LRRC4C: variants seen among roughly 807,000 people sequenced by gnomAD.
The protein encoded by LRRC4C is leucine rich repeat containing 4C, also known as leucine-rich repeat-containing protein 4C.
Under a neutral mutation model 33.6 loss-of-function variants are expected in LRRC4C, and 5 were observed. The observed-to-expected ratio is 0.15, with a 90% CI of 0.08 to 0.31. The LOEUF (loss-of-function observed/expected upper bound fraction) is 0.31. Ranked by LOEUF, LRRC4C falls within the 10% of genes least tolerant of loss-of-function variation. The pLI, the probability that LRRC4C is intolerant of heterozygous loss-of-function variation, is 1.00. For missense variants in LRRC4C, 560 were observed against 796.7 expected (o/e 0.70, Z 3.58); for synonymous variants, 329 against 302.0 (o/e 1.09, Z -0.93).
intron 3 of LRRC4C, among the ~76,000 whole-genome samples, chr11:40,469,604 C>T (rs59489101): frequency 0.024 from 3,708 of 152,274 alleles, 157 homozygotes; most frequent in African/African-American, 0.084. Context: ...CCCACCCCCA[C>T]GGAGCCCAGC....
intron 2 of LRRC4C, among the ~76,000 whole-genome samples, chr11:40,908,214 T>C (rs1053155371): frequency 2.0e-5 from 3 of 152,136 alleles, no homozygotes; most frequent in Non-Finnish European, 4.4e-5. Flanking sequence ...GAAGCCAGTT[T>C]CACTTCTATT....
intron 3 of LRRC4C, among the ~76,000 whole-genome samples, chr11:40,536,692 G>A (rs1414875733): frequency 2.0e-5 from 3 of 152,010 alleles, no homozygotes; most frequent in Admixed American, 6.6e-5. Context: ...TTCCTGGAAT[G>A]CTCTTTTTTT....
At chr11:40,633,371 T>TTCTCTCTCTCTC (rs1555125586) in intron 3 of LRRC4C, among the ~76,000 whole-genome samples, 14 of 96,300 alleles carry the variant, frequency 1.5e-4, no homozygotes, top group Non-Finnish European at 2.4e-4. Flanking sequence ...CTTTCTTTCT[T>TTCTCTCTCTCTC]TCTCTCTCTT....
At chr11:41,005,080 G>A (rs540583371) in intron 1 of LRRC4C, among the ~76,000 whole-genome samples, 2 of 152,200 alleles carry the variant, frequency 1.3e-5, no homozygotes, top group African/African-American at 4.8e-5. Flanking sequence ...TAGAAATCTG[G>A]CTGGCACCTC....
intron 1 of LRRC4C, among the ~76,000 whole-genome samples, chr11:41,390,937 C>T (rs879922862): frequency 3.4e-5 from 5 of 149,070 alleles, no homozygotes; most frequent in African/African-American, 9.9e-5. Context: ...ATAAATATAG[C>T]TTTCTTTAAC....
At chr11:40,415,377 G>A (rs924767582) in intron 3 of LRRC4C, among the ~76,000 whole-genome samples, 4 of 152,088 alleles carry the variant, frequency 2.6e-5, no homozygotes, top group African/African-American at 9.7e-5. Context: ...GACATGCGGT[G>A]GTGCAATGGA....
chr11:40,218,692 AATCTATCTATCTATCTATCT>A (rs3041085), intron 5 of LRRC4C, among the ~76,000 whole-genome samples: 7 of 140,012 alleles, frequency 5.0e-5, no homozygotes, highest in Non-Finnish European at 4.6e-5. Flanking sequence ...AATGATAAAG[AATCTATCTATCTATCTATCT>A]ATCTATCTAT....
At chr11:40,237,116 T>C (rs369911387) in intron 5 of LRRC4C, among the ~76,000 whole-genome samples, 3 of 152,318 alleles carry the variant, frequency 2.0e-5, no homozygotes, top group African/African-American at 7.2e-5. Flanking sequence ...CACAAGTCCA[T>C]ATTGCTGACT....
At chr11:40,525,354 G>A (rs528646952) in intron 3 of LRRC4C, among the ~76,000 whole-genome samples, 117 of 152,228 alleles carry the variant, frequency 7.7e-4, no homozygotes, top group Non-Finnish European at 1.5e-3. Context: ...GCTGAGGCAG[G>A]AGAATCGCTT....
intron 1 of LRRC4C, among the ~76,000 whole-genome samples, chr11:40,971,034 G>A (rs984176266): frequency 1.1e-4 from 17 of 152,164 alleles, no homozygotes; most frequent in African/African-American, 3.9e-4. Context: ...GTATTTAAAG[G>A]GGAAGTAGAG....
At chr11:40,537,436 A>G (rs1956521754) in intron 3 of LRRC4C, among the ~76,000 whole-genome samples, 1 of 152,182 alleles carries the variant, frequency 6.6e-6, no homozygotes, top group Non-Finnish European at 1.5e-5. Flanking sequence ...CAAGGCCACA[A>G]TTGTCACTTC....
chr11:40,531,812 C>T (rs1010477587), intron 3 of LRRC4C, among the ~76,000 whole-genome samples: 2 of 150,910 alleles, frequency 1.3e-5, no homozygotes, highest in Admixed American at 1.3e-4. Context: ...TGGTGTAATG[C>T]CATGGTAAAG....
chr11:41,431,876 GT>G (rs1955249300), intron 1 of LRRC4C, among the ~76,000 whole-genome samples: 1 of 152,100 alleles, frequency 6.6e-6, no homozygotes, highest in South Asian at 2.1e-4. Context: ...CCCACCTTAG[GT>G]TTTTGTGGTG....
intron 3 of LRRC4C, among the ~76,000 whole-genome samples, chr11:40,591,528 AC>A (rs1301566509): frequency 1.3e-5 from 2 of 152,206 alleles, no homozygotes; most frequent in Admixed American, 1.3e-4. Flanking sequence ...TAGCTCACTT[AC>A]GTGACAACTT....
chr11:40,800,137 A>G (rs1490476018), intron 2 of LRRC4C, among the ~76,000 whole-genome samples: 1 of 152,210 alleles, frequency 6.6e-6, no homozygotes, highest in Non-Finnish European at 1.5e-5. Flanking sequence ...AATTTTGTTT[A>G]AGTTTTTTAG....
chr11:40,876,359 G>T (rs1271806047), intron 2 of LRRC4C, among the ~76,000 whole-genome samples: 3 of 144,390 alleles, frequency 2.1e-5, no homozygotes, highest in Non-Finnish European at 4.5e-5. Flanking sequence ...GAAGATCCTG[G>T]CTCAGTCTCG....
intron 4 of LRRC4C, among the ~76,000 whole-genome samples, chr11:40,309,240 A>G (rs1945185878): frequency 1.3e-5 from 2 of 152,216 alleles, no homozygotes; most frequent in South Asian, 2.1e-4. Flanking sequence ...TGCTTATTGT[A>G]TATTCAAATT....
intron 2 of LRRC4C, among the ~76,000 whole-genome samples, chr11:40,833,467 G>C (rs916471831): frequency 6.6e-6 from 1 of 151,900 alleles, no homozygotes; most frequent in Non-Finnish European, 1.5e-5. Flanking sequence ...AATATAAAAA[G>C]TATCAATGAG....
chr11:40,293,613 GAAAAAAAGA>G (rs1377188002), intron 4 of LRRC4C: 1 of 150,246 alleles, frequency 6.7e-6, no homozygotes, highest in Non-Finnish European at 1.5e-5. Flanking sequence ...AAAAAAGAAA[GAAAAAAAGA>G]AAAAGAAGAA....
Sources: gnomAD v4.1 joint callset for allele counts (sites outside exome capture counted in the v4.1 genomes callset) on GRCh38, gnomAD v4.1.1 for gene constraint, MANE v1.5 for transcripts, NCBI Gene and HGNC (gene_info 2026-07-23, HGNC 2026-07-21) for gene names.